Variants in MAP3K13 observed in about 807,000 individuals in gnomAD.
The protein encoded by MAP3K13 is leucine zipper-bearing kinase.
A neutral mutation model predicts 104.0 loss-of-function variants in MAP3K13; 52 were observed. That is an observed-to-expected ratio of 0.50 (90% CI 0.40 to 0.63). The LOEUF (loss-of-function observed/expected upper bound fraction) is 0.63, where lower values mean the gene tolerates loss of function less well. MAP3K13 is among the 20% of genes least tolerant of loss of function. The pLI is 0.00. For missense variants in MAP3K13, 914 were observed against 1,218.5 expected (o/e 0.75, Z 3.72); for synonymous variants, 394 against 442.2 (o/e 0.89, Z 1.37).
At chr3:185,344,419 A>G (rs1025629934) in intron 2 of MAP3K13, among the ~76,000 whole-genome samples, 2 of 152,194 alleles carry the variant, frequency 1.3e-5, no homozygotes, top group Non-Finnish European at 2.9e-5. Flanking sequence ...TCAGTTAATT[A>G]TCTTACCCCT....
chr3:185,446,641 G>A (rs1198534812), intron 4 of MAP3K13, among the ~76,000 whole-genome samples: 1 of 152,226 alleles, frequency 6.6e-6, no homozygotes, highest in Non-Finnish European at 1.5e-5. Context: ...CAGGACTGGT[G>A]TGGAATTTAC....
intron 1 of MAP3K13, among the ~76,000 whole-genome samples, chr3:185,421,585 A>T (rs1471994581): frequency 6.6e-6 from 1 of 152,146 alleles, no homozygotes; most frequent in Admixed American, 6.5e-5. Flanking sequence ...TTTGACTCTC[A>T]ACATTCAAAA....
Position 185,473,678 on chromosome 3 carries a change from G to A in MAP3K13, c.2347G>A (p.Gly783Ser), listed in dbSNP as rs1168252041. 16 of 1,614,012 alleles carry A rather than the reference G, an allele frequency of 9.9e-6. No individual in the cohort carries two copies. Among genetic ancestry groups the A allele is most frequent in the Middle Eastern group, 1.6e-4 (1 of 6,084 alleles). The change falls in exon 11 of 14, where the codon GGC (glycine) becomes AGC (serine). Residue 783 changes from glycine (G) to serine (S), a missense_variant. By Grantham distance (56) the Gly-to-Ser change is moderately conservative. Transcript: ENST00000265026. The surrounding 1 kb of genome is among the most constrained non-coding windows in gnomAD (Gnocchi z 4.9). ...GAAAACGGAAGAAAATGAATTCAGC[G>A]GCTGTAGGTCTGAGTCATCCCTCGG... ...SEKTEENEFS[G>S]CRSESSLGTS...
chr3:185,460,063 A>G (rs1367092106), intron 7 of MAP3K13, among the ~76,000 whole-genome samples: 3 of 152,162 alleles, frequency 2.0e-5, no homozygotes, highest in African/African-American at 7.2e-5. Flanking sequence ...TTTTATGGCT[A>G]AATAATATTC....
chr3:185,377,066 T>C (rs1021181811), intron 1 of MAP3K13, among the ~76,000 whole-genome samples: 2 of 151,738 alleles, frequency 1.3e-5, no homozygotes, highest in South Asian at 2.1e-4. Flanking sequence ...GAGGGAGGTA[T>C]TGAGGATAGG....
chr3:185,404,705 TAG>T (rs1713010549), intron 1 of MAP3K13, among the ~76,000 whole-genome samples: 5 of 152,130 alleles, frequency 3.3e-5, no homozygotes, highest in African/African-American at 1.2e-4. Context: ...ACCTCCCAAA[TAG>T]GTGGGATTAC....
intron 2 of MAP3K13, among the ~76,000 whole-genome samples, chr3:185,302,299 G>C (rs1259395157): frequency 6.6e-6 from 1 of 151,952 alleles, no homozygotes; most frequent in East Asian, 1.9e-4. Flanking sequence ...TGTAATCCCA[G>C]CTACCTGGGA....
chr3:185,391,415 T>C (rs1006487971), intron 1 of MAP3K13, among the ~76,000 whole-genome samples: 14 of 152,296 alleles, frequency 9.2e-5, no homozygotes, highest in Admixed American at 6.5e-4. Flanking sequence ...CCTTTCTTTT[T>C]AAGGCTAAAT....
chr3:185,473,391 C>T lies in MAP3K13; in HGVS notation c.2060C>T (p.Ala687Val). The change falls in exon 11 of 14, where the codon GCT becomes GTT. Residue 687 changes from alanine to valine, a missense_variant. Around this residue, in one of 3 missense-constraint regions of MAP3K13, gnomAD observed 583 missense variants for 737.4 expected, o/e 0.79. Coordinates refer to ENST00000265026, the MANE Select transcript of MAP3K13 (RefSeq NM_004721.5). This position sits in a 1 kb window ranked among gnomAD's most constrained non-coding sequence, Gnocchi z 4.9. ...AALRSPLSNHAQRQLPGSSPD... is the reference protein window; with the variant it reads ...AALRSPLSNHVQRQLPGSSPD... ...CTGCGGAGCCCACTCAGCAACCATG[C>T]TCAGAGACAGCTGCCCGGCTCGAGC... 1.2e-6 allele frequency: 2 copies of T among 1,614,226 alleles called. No homozygotes were observed. The highest frequency in any genetic ancestry group is 1.7e-6 in the Non-Finnish European group (2 of 1,180,046).
Position 185,438,735 on chromosome 3 carries a change from T to G in MAP3K13, c.659+1105T>G, listed in dbSNP as rs149250962. On this transcript the variant is annotated intron_variant, in intron 3 of 13. Transcript: ENST00000265026. ...CTTCTGCCTGAATCTTTCCCTTGAG[T>G]TCTCTCCCTCACTAGCCTTTTAATG... Among the ~76,000 whole-genome samples, 659 of 152,272 alleles carry G rather than the reference T, an allele frequency of 4.3e-3. 8 individuals are homozygous for G. The highest frequency in any genetic ancestry group is 0.015 in the African/African-American group (606 of 41,532).
In MAP3K13 at chr3:185,483,660, C is replaced by A; in HGVS notation, c.*1204C>A. 6.2e-6 allele frequency: 1 copy of A among 160,928 alleles called. No individual in the cohort carries two copies. The allele number at this position is 160,928 out of a possible 1,614,324, so 10.0% of individuals were successfully genotyped here. A position where few individuals can be genotyped will look rare whatever the true frequency, so the allele number is the denominator to read the frequency against. On this transcript the variant is annotated 3_prime_UTR_variant, in exon 14 of 14. Coordinates refer to ENST00000265026, the MANE Select transcript of MAP3K13 (RefSeq NM_004721.5). ...TATGTGTGTCTATACAATGTCTGAGCCCAAACCATCCCTTTGTTTTTATTC... is the reference window on the plus strand; with the variant it reads ...TATGTGTGTCTATACAATGTCTGAGACCAAACCATCCCTTTGTTTTTATTC...
chr3:185,428,653 C>A lies in MAP3K13; in HGVS notation c.72C>A (p.Phe24Leu). 1 of 1,614,080 alleles carries A rather than the reference C, an allele frequency of 6.2e-7. No homozygotes were observed. Among genetic ancestry groups the A allele is most frequent in the Non-Finnish European group, 8.5e-7 (1 of 1,179,998 alleles). Residue 24 changes from phenylalanine to leucine, a missense_variant, in exon 2 of 14, where the codon TTC becomes TTA. Phe to Leu is a conservative substitution (Grantham distance 22). Transcript: ENST00000265026. ...PHLPFSESKT[F>L]NGLQDELTAM... ...TACCCTTCAGTGAAAGCAAAACCTT[C>A]AATGGACTACAAGATGAGCTCACAG...
intron 11 of MAP3K13, among the ~76,000 whole-genome samples, chr3:185,474,152 G>A (rs764582164): frequency 1.3e-5 from 2 of 151,988 alleles, no homozygotes; most frequent in South Asian, 4.2e-4. Context: ...GTGAAACCCT[G>A]TCTCTACTAA....
intron 1 of MAP3K13, among the ~76,000 whole-genome samples, chr3:185,422,702 A>C (rs1454055176): frequency 6.6e-6 from 1 of 152,230 alleles, no homozygotes; most frequent in East Asian, 1.9e-4. Flanking sequence ...GTTTGGCTGA[A>C]ATTCACATAT....
chr3:185,447,924 T>G lies in MAP3K13; in HGVS notation c.987T>G (p.Pro329=), dbSNP rs1208267800. ...CGCCAGAGGTGATACGGAATGAACC[T>G]GTCTCTGAAAAAGTTGATATATGGT... ...WMAPEVIRNE[P]VSEKVDIWSF... The change falls in exon 5 of 14, where the codon CCT becomes CCG. Residue 329 remains proline (P), a synonymous_variant. Coordinates refer to ENST00000265026, the MANE Select transcript of MAP3K13 (RefSeq NM_004721.5). 1 of 1,610,296 alleles carries G rather than the reference T, an allele frequency of 6.2e-7. No individual in the cohort carries two copies. The highest frequency in any genetic ancestry group is 8.5e-7 in the Non-Finnish European group (1 of 1,178,906).
chr3:185,470,684 A>C (rs1288331936), intron 10 of MAP3K13, among the ~76,000 whole-genome samples: 1 of 152,232 alleles, frequency 6.6e-6, no homozygotes, highest in East Asian at 1.9e-4. Context: ...ATCCTCTGTA[A>C]GTGGACATGT....
At chr3:185,344,879 C>T (rs987530226) in intron 2 of MAP3K13, among the ~76,000 whole-genome samples, 2 of 145,878 alleles carry the variant, frequency 1.4e-5, no homozygotes, top group African/African-American at 2.7e-5. Context: ...CTACTAATCT[C>T]ATAATTTATT....
intron 7 of MAP3K13, among the ~76,000 whole-genome samples, chr3:185,460,143 G>A (rs1717013795): frequency 6.6e-6 from 1 of 152,024 alleles, no homozygotes; most frequent in African/African-American, 2.4e-5. Context: ...CATCTATACA[G>A]TATTCCCCAC....
Position 185,355,296 on chromosome 3 carries a change from A to G in MAP3K13, c.-86+69653A>G, listed in dbSNP as rs1437330556. 8.5e-5 allele frequency among the ~76,000 whole-genome samples: 13 copies of G among 152,156 alleles called. No homozygotes were observed. In the East Asian group the frequency reaches 2.5e-3, roughly 29 times the overall value. ...AGACTGGCCAACATGGCGAAAACCC[A>G]TCTCTACTAAAAATACAAAAATTAG... On this transcript the variant is annotated intron_variant, in intron 2 of 14. Transcript: ENST00000424227.
Sources: allele counts gnomAD v4.1 joint callset (sites outside exome capture counted in the v4.1 genomes callset), GRCh38; gene constraint gnomAD v4.1.1; regional missense constraint gnomAD v4.1.1; non-coding constraint Gnocchi (gnomAD v3.1); transcripts MANE v1.5; gene names NCBI Gene and HGNC (gene_info 2026-07-23, HGNC 2026-07-21).